ASIC2: variants seen among roughly 807,000 people sequenced by gnomAD.
ASIC2 encodes acid-sensing ion channel 2.
ASIC2 carries 25 observed loss-of-function variants against 57.3 expected under a neutral mutation model. That is an observed-to-expected ratio of 0.44 (90% CI 0.32 to 0.61). ASIC2 has a LOEUF of 0.61. ASIC2 is among the 20% of genes least tolerant of loss of function. ASIC2 has a pLI of 0.06. For synonymous variants in ASIC2, 319 were observed against 307.5 expected (o/e 1.04, Z -0.39); for missense variants, 641 against 738.1 (o/e 0.87, Z 1.52).
chr17:33,865,321 G>C (rs1279488197), intron 1 of ASIC2, among the ~76,000 whole-genome samples: 1 of 152,208 alleles, frequency 6.6e-6, no homozygotes, highest in African/African-American at 2.4e-5. Flanking sequence ...TAACCTGGCA[G>C]AATTACGACC....
At chr17:33,519,261 C>T (rs1914669747) in intron 1 of ASIC2, among the ~76,000 whole-genome samples, 3 of 152,176 alleles carry the variant, frequency 2.0e-5, no homozygotes, top group Admixed American at 6.5e-5. Context: ...TGCTCTTGGC[C>T]CTTCCGTTAT....
chr17:34,044,713 A>G (rs1908272635), intron 1 of ASIC2, among the ~76,000 whole-genome samples: 1 of 152,046 alleles, frequency 6.6e-6, no homozygotes, highest in Middle Eastern at 3.2e-3. Flanking sequence ...GTTTGTCTGG[A>G]GTTGAAGGAA....
intron 1 of ASIC2, among the ~76,000 whole-genome samples, chr17:33,934,609 C>T (rs62059918): frequency 6.6e-6 from 1 of 152,190 alleles, no homozygotes; most frequent in Non-Finnish European, 1.5e-5. Context: ...CTGGAGGAGG[C>T]AAGGCCAATG....
At chr17:33,558,958 G>A (rs1915992760) in intron 1 of ASIC2, among the ~76,000 whole-genome samples, 1 of 152,082 alleles carries the variant, frequency 6.6e-6, no homozygotes, top group South Asian at 2.1e-4. Flanking sequence ...AGTAGAGATG[G>A]GGTTTCACCA....
At chr17:33,323,255 T>C (rs1031214769) in intron 1 of ASIC2, among the ~76,000 whole-genome samples, 1 of 152,204 alleles carries the variant, frequency 6.6e-6, no homozygotes, top group Non-Finnish European at 1.5e-5. Flanking sequence ...GCACTATTCC[T>C]ACTAGCCACA....
At chr17:33,594,344 G>A (rs1375933776) in intron 1 of ASIC2, among the ~76,000 whole-genome samples, 1 of 152,218 alleles carries the variant, frequency 6.6e-6, no homozygotes, top group East Asian at 1.9e-4. Flanking sequence ...TCTGGGGATG[G>A]CTGGATCAGG....
At chr17:33,582,422 CA>C (rs1904474377) in intron 1 of ASIC2, among the ~76,000 whole-genome samples, 1 of 152,164 alleles carries the variant, frequency 6.6e-6, no homozygotes, top group Non-Finnish European at 1.5e-5. Context: ...AACCGAGAGG[CA>C]AGGGTGCTGA....
intron 1 of ASIC2, among the ~76,000 whole-genome samples, chr17:33,890,602 A>T (rs1487405607): frequency 6.6e-6 from 1 of 152,186 alleles, no homozygotes; most frequent in Non-Finnish European, 1.5e-5. Context: ...GGATCTGGGC[A>T]TGCTGCTTCA....
intron 1 of ASIC2, among the ~76,000 whole-genome samples, chr17:33,627,519 A>G (rs1171130740): frequency 6.6e-6 from 1 of 152,198 alleles, no homozygotes; most frequent in Admixed American, 6.5e-5. Flanking sequence ...CCACTGATGA[A>G]AAGTGTCTTC....
intron 1 of ASIC2, among the ~76,000 whole-genome samples, chr17:33,876,809 T>C (rs1291786845): frequency 6.6e-6 from 1 of 152,196 alleles, no homozygotes; most frequent in East Asian, 1.9e-4. Flanking sequence ...CTGATTCTAC[T>C]GATTCTCCAT....
At chr17:33,306,302 CTATT>C in intron 1 of ASIC2, among the ~76,000 whole-genome samples, 1 of 152,188 alleles carries the variant, frequency 6.6e-6, no homozygotes, top group Admixed American at 6.5e-5. Flanking sequence ...TGTGTCCTGT[CTATT>C]AGCTTCCTGA....
At chr17:33,680,415 C>A (rs911242120) in intron 1 of ASIC2, among the ~76,000 whole-genome samples, 4 of 152,042 alleles carry the variant, frequency 2.6e-5, no homozygotes, top group African/African-American at 7.2e-5. Context: ...CGCAGGCTTT[C>A]AGAAGTGCAT....
At chr17:33,819,629 T>C (rs937717630) in intron 1 of ASIC2, among the ~76,000 whole-genome samples, 1 of 152,156 alleles carries the variant, frequency 6.6e-6, no homozygotes, top group Non-Finnish European at 1.5e-5. Context: ...GTTTGGGAAA[T>C]TCTAATGCTG....
At chr17:33,715,636 T>G (rs1909193788) in intron 1 of ASIC2, among the ~76,000 whole-genome samples, 1 of 152,188 alleles carries the variant, frequency 6.6e-6, no homozygotes, top group African/African-American at 2.4e-5. Context: ...CCTGATATCT[T>G]TCTCATTCTG....
chr17:33,996,740 G>A (rs182634988), intron 1 of ASIC2, among the ~76,000 whole-genome samples: 41 of 152,286 alleles, frequency 2.7e-4, no homozygotes, highest in Non-Finnish European at 1.3e-4. Flanking sequence ...TCAATACTGT[G>A]CTGTTTTGGT....
intron 1 of ASIC2, among the ~76,000 whole-genome samples, chr17:33,874,218 T>C (rs542004568): frequency 6.6e-6 from 1 of 152,282 alleles, no homozygotes; most frequent in African/African-American, 2.4e-5. Context: ...CTCCAAGAAC[T>C]CCTTAGAATG....
intron 1 of ASIC2, among the ~76,000 whole-genome samples, chr17:33,721,824 C>T (rs1265505869): frequency 1.3e-5 from 2 of 152,230 alleles, no homozygotes; most frequent in African/African-American, 4.8e-5. Flanking sequence ...AAAGAGTGAA[C>T]ACAAAGTGCT....
intron 1 of ASIC2, among the ~76,000 whole-genome samples, chr17:33,151,185 A>G (rs1450327392): frequency 3.4e-5 from 5 of 146,780 alleles, no homozygotes; most frequent in Admixed American, 1.3e-4. Flanking sequence ...ACACACGCAC[A>G]CACACACACA....
chr17:33,055,526 G>A (rs1178140004), intron 3 of ASIC2, among the ~76,000 whole-genome samples: 2 of 152,056 alleles, frequency 1.3e-5, no homozygotes, highest in African/African-American at 2.4e-5. Context: ...TTTCTGACTC[G>A]TCCTTCCGCT....
Sources: allele counts gnomAD v4.1 joint callset (sites outside exome capture counted in the v4.1 genomes callset), GRCh38; gene constraint gnomAD v4.1.1; transcripts MANE v1.5; gene names NCBI Gene and HGNC (gene_info 2026-07-23, HGNC 2026-07-21).